Variants in PDGFD observed in about 807,000 individuals in gnomAD.
PDGFD encodes platelet-derived growth factor D.
In PDGFD, 30 loss-of-function variants were observed where a neutral mutation model predicts 44.7. The observed-to-expected ratio is 0.67, with a 90% CI of 0.50 to 0.91. The LOEUF (loss-of-function observed/expected upper bound fraction) is 0.91, where lower values mean the gene tolerates loss of function less well. PDGFD is among the 40% of genes least tolerant of loss of function. The pLI is 0.00. For missense variants in PDGFD, 445 were observed against 457.8 expected (o/e 0.97, Z 0.25); for synonymous variants, 173 against 168.4 (o/e 1.03, Z -0.21).
intron 1 of PDGFD, among the ~76,000 whole-genome samples, chr11:104,107,233 G>A (rs1237465302): frequency 1.3e-5 from 2 of 152,076 alleles, no homozygotes; most frequent in African/African-American, 2.4e-5. Context: ...AAAGAGGGTC[G>A]ATCTATAGGT....
chr11:104,072,351 T>C (rs948080172), intron 1 of PDGFD, among the ~76,000 whole-genome samples: 3 of 151,906 alleles, frequency 2.0e-5, no homozygotes, highest in African/African-American at 7.2e-5. Context: ...ATTTTTCTGC[T>C]ATTACAAATG....
At chr11:103,931,987 G>C (rs1591081955) in intron 5 of PDGFD, among the ~76,000 whole-genome samples, 2 of 152,054 alleles carry the variant, frequency 1.3e-5, no homozygotes, top group East Asian at 3.9e-4. Context: ...CTTCTGTTTT[G>C]CTTTCTCTGG....
chr11:103,926,438 A>C (rs1411861997), intron 6 of PDGFD, among the ~76,000 whole-genome samples: 1 of 152,234 alleles, frequency 6.6e-6, no homozygotes, highest in Non-Finnish European at 1.5e-5. Flanking sequence ...TCCGGTTGAA[A>C]CATACTTCAT....
chr11:104,046,224 A>G (rs1860440495), intron 1 of PDGFD, among the ~76,000 whole-genome samples: 1 of 147,894 alleles, frequency 6.8e-6, no homozygotes, highest in Admixed American at 6.8e-5. Flanking sequence ...AGAAGCAGAT[A>G]CAAGGCATCT....
intron 1 of PDGFD, among the ~76,000 whole-genome samples, chr11:104,047,896 G>A (rs1860468453): frequency 2.6e-5 from 4 of 152,048 alleles, no homozygotes; most frequent in Admixed American, 6.5e-5. Flanking sequence ...CATATTAAAT[G>A]CATTACATTC....
intron 1 of PDGFD, among the ~76,000 whole-genome samples, chr11:104,149,394 T>TA: frequency 6.6e-6 from 1 of 152,260 alleles, no homozygotes; most frequent in East Asian, 1.9e-4. Flanking sequence ...AACACTGAAA[T>TA]AAATGTGAGC....
At chr11:103,978,058 G>C (rs977335405) in intron 3 of PDGFD, among the ~76,000 whole-genome samples, 1 of 152,080 alleles carries the variant, frequency 6.6e-6, no homozygotes, top group African/African-American at 2.4e-5. Flanking sequence ...TCATCATCCG[G>C]CTCCATCATC....
chr11:103,909,748 C>T lies in PDGFD; in HGVS notation c.1059G>A (p.Gln353=), dbSNP rs1857999048. Reference sequence around the variant, plus strand: ...AATCACATCGTTCATGGTGATCCAACTGGATGTCAACTAGAGCCATGGTCT... The same window carrying T: ...AATCACATCGTTCATGGTGATCCAATTGGATGTCAACTAGAGCCATGGTCT... ...RAKTMALVDI[Q]LDHHERCDCI... is the part of the protein sequence containing the mutation. Residue 353 remains glutamine (Q), a synonymous_variant, in exon 7 of 7, where the codon CAG becomes CAA. Coordinates refer to ENST00000393158, the MANE Select transcript of PDGFD (RefSeq NM_025208.5). 6.2e-7 allele frequency: 1 copy of T among 1,613,916 alleles called. No individual in the cohort carries two copies. The highest frequency in any genetic ancestry group is 1.3e-5 in the African/African-American group (1 of 74,920).
At chr11:104,042,120 A>G (rs1860364008) in intron 1 of PDGFD, among the ~76,000 whole-genome samples, 1 of 152,238 alleles carries the variant, frequency 6.6e-6, no homozygotes, top group South Asian at 2.1e-4. Flanking sequence ...AGAAAGAAGG[A>G]AAACAAACAA....
At chr11:103,946,035 A>C (rs1255235677) in intron 4 of PDGFD, 1 of 152,186 alleles carries the variant, frequency 6.6e-6, no homozygotes, top group East Asian at 1.9e-4. Flanking sequence ...AAAAGAACTA[A>C]TTTAATGTGT....
At chr11:104,027,182 T>C (rs1860055001) in intron 1 of PDGFD, among the ~76,000 whole-genome samples, 1 of 152,246 alleles carries the variant, frequency 6.6e-6, no homozygotes, top group Non-Finnish European at 1.5e-5. Flanking sequence ...CTTTGAAAGT[T>C]ACTCCCTGGT....
In PDGFD at chr11:104,061,945, C is replaced by T. The variant is rs1054853569; in HGVS notation, c.125-61690G>A. The stretch of plus-strand genomic sequence containing the variant: ...TTTGCCATTTCAAGTGGTTACAACT[C>T]GAAGAAGTTCAAGTAGGTACTGACC... On this transcript the variant is annotated intron_variant, in intron 1 of 6. Coordinates refer to ENST00000393158, the MANE Select transcript of PDGFD (RefSeq NM_025208.5). Among the ~76,000 whole-genome samples the T allele has an allele frequency of 5.4e-5, 5 of 92,714 alleles. No homozygotes were observed. In the South Asian group the frequency reaches 2.1e-3, roughly 39 times the overall value. The allele number at this position is 92,714 out of a possible 152,430, so 60.8% of individuals were successfully genotyped here. A position where few individuals can be genotyped will look rare whatever the true frequency, so the allele number is the denominator to read the frequency against.
intron 3 of PDGFD, among the ~76,000 whole-genome samples, chr11:103,975,372 T>G (rs570322811): frequency 8.5e-5 from 13 of 152,224 alleles, no homozygotes; most frequent in Non-Finnish European, 1.3e-4. Context: ...TTTAAGTTCC[T>G]TGTAGATTCT....
intron 3 of PDGFD, among the ~76,000 whole-genome samples, chr11:103,951,927 T>C (rs1858764939): frequency 6.6e-6 from 1 of 152,214 alleles, no homozygotes; most frequent in Non-Finnish European, 1.5e-5. Context: ...AAAGATGCTG[T>C]TTATTTGTTC....
intron 1 of PDGFD, among the ~76,000 whole-genome samples, chr11:104,098,975 CTT>C (rs1861327756): frequency 7.2e-5 from 1 of 13,910 alleles, no homozygotes; most frequent in Non-Finnish European, 1.8e-4. Context: ...TTAAAAATCA[CTT>C]TCTTAGTTAA....
At chr11:104,032,610 C>A (rs1163226026) in intron 1 of PDGFD, among the ~76,000 whole-genome samples, 1 of 150,220 alleles carries the variant, frequency 6.7e-6, no homozygotes, top group Non-Finnish European at 1.5e-5. Context: ...TAAACATCAA[C>A]TGACTATCAT....
At chr11:104,110,427 T>C (rs1011486895) in intron 1 of PDGFD, among the ~76,000 whole-genome samples, 5 of 151,550 alleles carry the variant, frequency 3.3e-5, no homozygotes, top group African/African-American at 1.2e-4. Context: ...AAAATGCCAG[T>C]AATATGAGGC....
chr11:104,107,448 C>A (rs112440414), intron 1 of PDGFD, among the ~76,000 whole-genome samples: 1,668 of 152,200 alleles, frequency 0.011, 27 homozygotes, highest in East Asian at 0.042. Context: ...CCTGCTGACA[C>A]CTTCATCAGA....
chr11:104,140,420 A>G (rs1862068498), intron 1 of PDGFD, among the ~76,000 whole-genome samples: 1 of 151,450 alleles, frequency 6.6e-6, no homozygotes, highest in Admixed American at 6.6e-5. Flanking sequence ...TGCATGAAAA[A>G]CCCGTAAATC....
Sources: gnomAD v4.1 joint callset for allele counts (sites outside exome capture counted in the v4.1 genomes callset) on GRCh38, gnomAD v4.1.1 for gene constraint, MANE v1.5 for transcripts, NCBI Gene and HGNC (gene_info 2026-07-23, HGNC 2026-07-21) for gene names.